FBXO17: variants seen among roughly 807,000 people sequenced by gnomAD.
FBXO17 encodes F-box protein 17, also known as F-box only protein 17.
Under a neutral mutation model 34.1 loss-of-function variants are expected in FBXO17, and 43 were observed. The observed-to-expected ratio is 1.26, with a 90% CI of 0.99 to 1.62. The LOEUF is 1.62. FBXO17 is among the 40% of genes most tolerant of loss of function. The probability of loss-of-function intolerance (pLI) is 0.00; values close to 1 mark genes in which losing one functional copy is unlikely to be tolerated. For synonymous variants in FBXO17, 169 were observed against 166.0 expected (o/e 1.02, Z -0.14); for missense variants, 424 against 386.7 (o/e 1.10, Z -0.81).
At position 38,950,294 on chromosome 19, in the gene FBXO17, C is replaced by A; in HGVS notation, c.26G>T (p.Arg9Leu). 1 of 1,436,826 alleles carries A rather than the reference C, an allele frequency of 7.0e-7. No homozygotes were observed. The highest frequency in any genetic ancestry group is 9.1e-7 in the Non-Finnish European group (1 of 1,104,762). 89.0% of individuals were successfully genotyped at this position (1,436,826 alleles called of 1,614,324 possible). A position where few individuals can be genotyped will look rare whatever the true frequency, so the allele number is the denominator to read the frequency against. The change falls in exon 2 of 6, where the codon CGG becomes CTG. Residue 9 changes from arginine to leucine, a missense_variant. By Grantham distance (102) the Arg-to-Leu change is moderately radical. Transcript: ENST00000292852. Reference sequence around the variant, plus strand: ...GGCCAGGGATGGGTCCGCCGGCAGCCGTCGCCGCGATAGCCGGGCGCCCAT... The same window carrying A: ...GGCCAGGGATGGGTCCGCCGGCAGCAGTCGCCGCGATAGCCGGGCGCCCAT... MGARLSRR[R>L]LPADPSLALD...
At chr19:38,949,596 T>C (rs1975039977) in intron 2 of FBXO17, among the ~76,000 whole-genome samples, 1 of 151,962 alleles carries the variant, frequency 6.6e-6, no homozygotes, top group South Asian at 2.1e-4. Flanking sequence ...GGCACGATCA[T>C]AGCTCACTGC....
intron 1 of FBXO17, among the ~76,000 whole-genome samples, chr19:38,968,907 A>G (rs1023154211): frequency 1.2e-4 from 19 of 152,316 alleles, no homozygotes; most frequent in Middle Eastern, 3.4e-3. Flanking sequence ...CAGAGTGACT[A>G]CAAATAGGCA....
At chr19:38,968,319 C>CAA (rs60055493) in intron 1 of FBXO17, among the ~76,000 whole-genome samples, 56 of 147,820 alleles carry the variant, frequency 3.8e-4, no homozygotes, top group Admixed American at 6.8e-4. Context: ...ACTCTGTCTC[C>CAA]AAAAAAAAAA....
intron 1 of FBXO17, among the ~76,000 whole-genome samples, chr19:38,955,537 G>A (rs1408880945): frequency 1.4e-5 from 2 of 145,304 alleles, no homozygotes; most frequent in African/African-American, 5.1e-5. Flanking sequence ...AGACTGGAGT[G>A]CAGTGGCACA....
intron 1 of FBXO17, among the ~76,000 whole-genome samples, chr19:38,974,035 T>TAC (rs1975427579): frequency 1.6e-5 from 1 of 62,928 alleles, no homozygotes; most frequent in East Asian, 4.2e-4. Flanking sequence ...TATATATACA[T>TAC]ATATATATAT....
At chr19:38,958,904 CTT>C (rs1975207214) in intron 1 of FBXO17, among the ~76,000 whole-genome samples, 1 of 152,022 alleles carries the variant, frequency 6.6e-6, no homozygotes, top group African/African-American at 2.4e-5. Context: ...TTCTCTCTCT[CTT>C]TCTCTCTCTT....
At chr19:38,966,106 A>G (rs1023868326) in intron 1 of FBXO17, among the ~76,000 whole-genome samples, 1 of 151,514 alleles carries the variant, frequency 6.6e-6, no homozygotes, top group Non-Finnish European at 1.5e-5. Flanking sequence ...AGTAGCTGGG[A>G]CTACAGGTGC....
chr19:38,960,631 C>G (rs1975234880), intron 1 of FBXO17, among the ~76,000 whole-genome samples: 1 of 148,914 alleles, frequency 6.7e-6, no homozygotes, highest in African/African-American at 2.5e-5. Context: ...GCCTCAGCCT[C>G]TCGAGTAGCT....
chr19:38,972,588 A>T (rs545261682), intron 1 of FBXO17, among the ~76,000 whole-genome samples: 2 of 151,364 alleles, frequency 1.3e-5, no homozygotes, highest in African/African-American at 4.8e-5. Context: ...ATCTTGGTAT[A>T]TTGGACTCCA....
chr19:38,948,175 C>T (rs1568438737), intron 3 of FBXO17, among the ~76,000 whole-genome samples: 1 of 151,804 alleles, frequency 6.6e-6, no homozygotes, highest in African/African-American at 2.4e-5. Context: ...GGGGTTTCCC[C>T]CTGTTGGCCA....
At position 38,973,910 on chromosome 19, in the gene FBXO17, G is replaced by A. The variant is rs1320474664; in HGVS notation, c.-18+1676C>T. On this transcript the variant is annotated intron_variant, in intron 1 of 5. Coordinates refer to ENST00000292852, the MANE Select transcript of FBXO17 (RefSeq NM_024907.7). ...AGGTGGGAGGATCTCTTGAGCCCAG[G>A]AGGTTGAGGCTGCAGTGAGCCATGA... Among the ~76,000 whole-genome samples, 3 of 151,376 alleles carry A rather than the reference G, an allele frequency of 2.0e-5. No homozygotes were observed. In the East Asian group the frequency reaches 5.8e-4, roughly 29 times the overall value.
chr19:38,944,981 C>G lies in FBXO17; in HGVS notation c.681G>C (p.Arg227Ser), dbSNP rs1974952043. 3 of 1,614,072 alleles carry G rather than the reference C, an allele frequency of 1.9e-6. No individual in the cohort carries two copies. The highest frequency in any genetic ancestry group is 1.7e-6 in the Non-Finnish European group (2 of 1,180,050). ...SPDPVLQWTERGCRQVSHVFT... is the reference protein window; with the variant it reads ...SPDPVLQWTESGCRQVSHVFT... ...AGTCTGGACCCACCTGTCGGCAGCC[C>G]CTCTCAGTCCACTGAAGGACCGGGT... The change falls in exon 5 of 6, where the codon AGG becomes AGC. Residue 227 changes from arginine to serine, a missense_variant. Transcript: ENST00000292852.
At chr19:38,969,695 C>G (rs1975367106) in intron 1 of FBXO17, among the ~76,000 whole-genome samples, 1 of 145,494 alleles carries the variant, frequency 6.9e-6, no homozygotes, top group African/African-American at 2.6e-5. Context: ...CTTCTGGGTT[C>G]AAGTGATTCT....
chr19:38,944,808 G>A (rs576272724), intron 5 of FBXO17, 161 bp downstream of exon 5: 23 of 969,644 alleles, frequency 2.4e-5, no homozygotes, highest in Non-Finnish European at 3.5e-5. Context: ...CGATATGTAA[G>A]CGTCTTGACA....
chr19:38,974,371 C>T (rs111948320), intron 1 of FBXO17, among the ~76,000 whole-genome samples: 3,395 of 152,210 alleles, frequency 0.022, 152 homozygotes, highest in Admixed American at 0.12. Context: ...AGCCACCGCG[C>T]ACGCCCGGCC....
intron 1 of FBXO17, among the ~76,000 whole-genome samples, chr19:38,956,865 A>AAAAT (rs934029794): frequency 2.6e-5 from 4 of 152,030 alleles, no homozygotes; most frequent in South Asian, 2.1e-4. Context: ...ACTCTGCCTC[A>AAAAT]AAATAAATAA....
At position 38,948,646 on chromosome 19, in the gene FBXO17, C is replaced by G. The variant is rs199622732; in HGVS notation, c.382G>C (p.Gly128Arg). 1,351 of 1,614,086 alleles carry G rather than the reference C, an allele frequency of 8.4e-4. 6 individuals are homozygous for G. The highest frequency in any genetic ancestry group is 4.9e-3 in the Middle Eastern group (30 of 6,062). Residue 128 changes from glycine to arginine, a missense_variant, in exon 3 of 6, where the codon GGG (glycine) becomes CGG (arginine). By Grantham distance (125) the Gly-to-Arg change is moderately radical (BLOSUM62 -2). Transcript: ENST00000292852. ...GFRGWEVEHG[G>R]NGWAIEKNLT... ...TTCTTTTCTATGGCCCAGCCGTTCC[C>G]GCCATGCTCCACCTCCCAGCCTCTG...
intron 3 of FBXO17, 192 bp from the exon 4 acceptor site, chr19:38,946,759 C>T (rs1424912476): frequency 3.9e-6 from 3 of 759,686 alleles, no homozygotes; most frequent in Non-Finnish European, 6.2e-6. Flanking sequence ...CTTTGCCATT[C>T]TCCACCCTGC....
rs777191367 is a variant in FBXO17 at position 38,941,624 on chromosome 19, A to G, written c.*984T>C. 1 of 152,226 alleles carries G rather than the reference A, an allele frequency of 6.6e-6. No homozygotes were observed. The highest frequency in any genetic ancestry group is 1.5e-5 in the Non-Finnish European group (1 of 68,030). 9.4% of individuals were successfully genotyped at this position (152,226 alleles called of 1,614,324 possible). A position where few individuals can be genotyped will look rare whatever the true frequency, so the allele number is the denominator to read the frequency against. On this transcript the variant is annotated 3_prime_UTR_variant, in exon 6 of 6. Coordinates refer to ENST00000292852, the MANE Select transcript of FBXO17 (RefSeq NM_024907.7). Reference sequence around the variant, plus strand: ...GCAGGAACATGTCGTTAAGGCACAGATCACTTATGCTATGGTTTGTGGTTC... The same window carrying G: ...GCAGGAACATGTCGTTAAGGCACAGGTCACTTATGCTATGGTTTGTGGTTC...
Sources: gnomAD v4.1 joint callset for allele counts (sites outside exome capture counted in the v4.1 genomes callset) on GRCh38, gnomAD v4.1.1 for gene constraint, MANE v1.5 for transcripts, NCBI Gene and HGNC (gene_info 2026-07-23, HGNC 2026-07-21) for gene names.